The following NHSL1 variants were observed in gnomAD, a reference collection of about 807,000 sequenced individuals.
NHSL1 encodes the protein NHS like 1.
A neutral mutation model predicts 95.0 loss-of-function variants in NHSL1; 48 were observed. That is an observed-to-expected ratio of 0.51 (90% CI 0.40 to 0.64). NHSL1 has a LOEUF of 0.64. Ranked by LOEUF, NHSL1 falls within the 30% of genes least tolerant of loss-of-function variation. The pLI, the probability that NHSL1 is intolerant of heterozygous loss-of-function variation, is 0.00. For synonymous variants in NHSL1, 783 were observed against 833.9 expected, an observed-to-expected ratio of 0.94 and a Z score of 1.05; for missense variants, 1,971 against 2,077.7, an observed-to-expected ratio of 0.95 and a Z score of 1.00.
chr6:138,645,823 G>C (rs1785013424), intron 1 of NHSL1, among the ~76,000 whole-genome samples: 1 of 151,998 alleles, frequency 6.6e-6, no homozygotes, highest in African/African-American at 2.4e-5. Context: ...TTTTTTCTCT[G>C]CCTCCACAAA....
In NHSL1 at chr6:138,499,254, T is replaced by C. The variant is rs1780542268; in HGVS notation, c.37A>G (p.Ile13Val). The C allele has an allele frequency of 6.5e-7, 1 of 1,550,084 alleles. No homozygotes were observed. Among genetic ancestry groups the C allele is most frequent in the Admixed American group, 2.0e-5 (1 of 50,958 alleles). Residue 13 changes from isoleucine (I) to valine (V), a missense_variant, in exon 1 of 8, where the codon ATT (isoleucine) becomes GTT (valine). Physicochemically the swap from Ile to Val is conservative, Grantham distance 29 (BLOSUM62 3). This residue lies in a region of NHSL1 where 1,602 missense variants were observed against 1,654.5 expected (regional missense o/e 0.97). Coordinates refer to ENST00000343505, the MANE Select transcript of NHSL1 (RefSeq NM_001144060.2). ...TTACTTTTCTTCTTAAAAAGTTTAA[T>C]TAAAGACTTAATCTTTGCATTAATG... Reference protein sequence around the residue: ...VFINAKIKSLIKLFKKKTVSN... With the variant: ...VFINAKIKSLVKLFKKKTVSN...
intron 1 of NHSL1, among the ~76,000 whole-genome samples, chr6:138,664,448 G>C (rs1785268707): frequency 6.6e-6 from 1 of 152,094 alleles, no homozygotes; most frequent in Non-Finnish European, 1.5e-5. Context: ...GCCTAAGAGA[G>C]GTACACACAG....
At position 138,433,008 on chromosome 6, in the gene NHSL1, G is replaced by C; in HGVS notation, c.1337C>G (p.Ala446Gly). The C allele has an allele frequency of 1.3e-6, 2 of 1,551,586 alleles. No homozygotes were observed. Among genetic ancestry groups the C allele is most frequent in the South Asian group, 1.2e-5 (1 of 84,056 alleles). ...GAGGTGGTCTCTGGATTTTATCCTT[G>C]CATGTGATGAGCCAGAACTTTTACT... is the stretch of plus-strand genomic sequence containing the variant. ...RESKSSGSSHARIKSRDHLIS... is the reference protein window; with the variant it reads ...RESKSSGSSHGRIKSRDHLIS... Residue 446 changes from alanine to glycine, a missense_variant, in exon 6 of 8, where the codon GCA becomes GGA. Physicochemically the swap from Ala to Gly is moderately conservative, Grantham distance 60. This residue lies in a region of NHSL1 where 1,602 missense variants were observed against 1,654.5 expected (regional missense o/e 0.97). Coordinates refer to ENST00000343505, the MANE Select transcript of NHSL1 (RefSeq NM_001144060.2).
At chr6:138,569,810 T>C (rs1463387367) in intron 1 of NHSL1, among the ~76,000 whole-genome samples, 1 of 152,206 alleles carries the variant, frequency 6.6e-6, no homozygotes, top group Non-Finnish European at 1.5e-5. Context: ...AATTTTGATG[T>C]ATAAGCAGCT....
intron 1 of NHSL1, among the ~76,000 whole-genome samples, chr6:138,609,729 G>T (rs1448061751): frequency 8.2e-6 from 1 of 122,186 alleles, no homozygotes; most frequent in Non-Finnish European, 1.6e-5. Flanking sequence ...CAGCCTGGGA[G>T]ACAGAGCAAG....
chr6:138,569,048 A>G (rs187165791), intron 1 of NHSL1, among the ~76,000 whole-genome samples: 2 of 152,288 alleles, frequency 1.3e-5, no homozygotes, highest in Admixed American at 1.3e-4. Flanking sequence ...TGCAAAGCAT[A>G]CCTGGAGACA....
chr6:138,564,757 G>A (rs1474462763), intron 1 of NHSL1, among the ~76,000 whole-genome samples: 2 of 152,078 alleles, frequency 1.3e-5, no homozygotes, highest in African/African-American at 4.8e-5. Context: ...TGATAAACAC[G>A]ATTAGAGAGG....
intron 1 of NHSL1, among the ~76,000 whole-genome samples, chr6:138,523,955 G>GA (rs539651360): frequency 6.8e-4 from 104 of 152,340 alleles, no homozygotes; most frequent in Non-Finnish European, 1.2e-3. Context: ...AATTTTATGT[G>GA]AATGATCTCA....
At chr6:138,618,513 A>G (rs1784611522) in intron 1 of NHSL1, among the ~76,000 whole-genome samples, 1 of 152,240 alleles carries the variant, frequency 6.6e-6, no homozygotes, top group Non-Finnish European at 1.5e-5. Context: ...CTAGCTGTTT[A>G]GGTCATTGCA....
intron 7 of NHSL1, among the ~76,000 whole-genome samples, chr6:138,426,664 C>T (rs911039712): frequency 6.6e-6 from 1 of 152,050 alleles, no homozygotes; most frequent in African/African-American, 2.4e-5. Flanking sequence ...TGCTGGCTGC[C>T]CTGGGCTTGG....
chr6:138,611,087 A>G (rs76297725), intron 1 of NHSL1, among the ~76,000 whole-genome samples: 1 of 151,806 alleles, frequency 6.6e-6, no homozygotes, highest in African/African-American at 2.4e-5. Flanking sequence ...AAAAAAAAAA[A>G]GTGGCAAGGA....
chr6:138,433,494 C>G lies in NHSL1; in HGVS notation c.851G>C (p.Gly284Ala). Reference protein sequence around the residue: ...PSMRRIRAQKGQGIAAQMGHF... With the variant: ...PSMRRIRAQKAQGIAAQMGHF... ...GCCCATCTGGGCAGCAATGCCTTGC[C>G]CCTTCTGTGCCCTGATTCTCCTCAT... Residue 284 changes from glycine to alanine, a missense_variant, in exon 6 of 8, where the codon GGG becomes GCG. Coordinates refer to ENST00000343505, the MANE Select transcript of NHSL1 (RefSeq NM_001144060.2). 1 of 1,552,006 alleles carries G rather than the reference C, an allele frequency of 6.4e-7. No homozygotes were observed. The highest frequency in any genetic ancestry group is 8.7e-7 in the Non-Finnish European group (1 of 1,147,076).
chr6:138,609,525 C>T (rs571915262), intron 1 of NHSL1, among the ~76,000 whole-genome samples: 10 of 152,090 alleles, frequency 6.6e-5, no homozygotes, highest in African/African-American at 1.2e-4. Flanking sequence ...CCGAGGTGGG[C>T]GGATCACGAG....
chr6:138,573,175 C>T (rs1783903073), upstream of NHSL1, among the ~76,000 whole-genome samples: 1 of 152,214 alleles, frequency 6.6e-6, no homozygotes, highest in Non-Finnish European at 1.5e-5. Flanking sequence ...TGGCACTTAG[C>T]TGCAGGCTCT....
chr6:138,638,897 G>A (rs936432190), intron 1 of NHSL1, among the ~76,000 whole-genome samples: 9 of 152,192 alleles, frequency 5.9e-5, no homozygotes, highest in Admixed American at 5.9e-4. Context: ...TCTTTTAAGA[G>A]TTCTGGGCTC....
At chr6:138,592,474 C>T (rs1784244447) in intron 1 of NHSL1, among the ~76,000 whole-genome samples, 1 of 152,020 alleles carries the variant, frequency 6.6e-6, no homozygotes, top group Admixed American at 6.6e-5. Context: ...GGCAGGCGCC[C>T]GTAATCCCAG....
intron 3 of NHSL1, among the ~76,000 whole-genome samples, chr6:138,456,847 T>C (rs1167379319): frequency 6.6e-6 from 1 of 151,998 alleles, no homozygotes; most frequent in Non-Finnish European, 1.5e-5. Flanking sequence ...GATTTCAGAG[T>C]TGAATGAAAA....
chr6:138,604,686 C>T (rs1250883995), intron 1 of NHSL1, among the ~76,000 whole-genome samples: 1 of 151,828 alleles, frequency 6.6e-6, no homozygotes, highest in Admixed American at 6.6e-5. Context: ...AGTGCAGTGG[C>T]GTGATCTTGG....
intron 2 of NHSL1, among the ~76,000 whole-genome samples, chr6:138,474,145 C>T (rs13195615): frequency 0.055 from 8,420 of 152,198 alleles, 653 homozygotes; most frequent in East Asian, 0.3. Context: ...GTGCTGGCGG[C>T]TCTCATGGGT....
Sources: allele counts gnomAD v4.1 joint callset (sites outside exome capture counted in the v4.1 genomes callset), GRCh38; gene constraint gnomAD v4.1.1; regional missense constraint gnomAD v4.1.1; transcripts MANE v1.5; gene names NCBI Gene and HGNC (gene_info 2026-07-23, HGNC 2026-07-21).